SAMD11: variants seen among roughly 807,000 people sequenced by gnomAD.
SAMD11 encodes sterile alpha motif domain-containing protein 11.
A neutral mutation model predicts 64.4 loss-of-function variants in SAMD11; 77 were observed. That is an observed-to-expected ratio of 1.20 (90% confidence interval 0.99 to 1.44). The LOEUF (loss-of-function observed/expected upper bound fraction) is 1.44. SAMD11 is among the 40% of genes most tolerant of loss of function. The probability of loss-of-function intolerance (pLI) is 0.00; values close to 1 mark genes in which losing one functional copy is unlikely to be tolerated. For synonymous variants in SAMD11, 658 were observed against 421.9 expected, an observed-to-expected ratio of 1.56 and a Z score of -6.86; for missense variants, 1,402 against 943.3, an observed-to-expected ratio of 1.49 and a Z score of -6.37.
At chr1:931,705 A>C (rs1304533776) in intron 4 of SAMD11, among the ~76,000 whole-genome samples, 1 of 152,224 alleles carries the variant, frequency 6.6e-6, no homozygotes, top group Non-Finnish European at 1.5e-5. Context: ...TGTTTGGAGA[A>C]GGTCCCTCTG....
chr1:929,892 C>T (rs534450987), intron 2 of SAMD11, among the ~76,000 whole-genome samples: 57 of 152,310 alleles, frequency 3.7e-4, no homozygotes, highest in African/African-American at 1.3e-3. Context: ...TAGGGGGATG[C>T]CCAACTGCGG....
rs191737258 is a variant in SAMD11, at chr1:926,479, G to A, written c.609+466G>A. Among the ~76,000 whole-genome samples, 446 of 152,336 alleles carry A rather than the reference G, an allele frequency of 2.9e-3. 2 individuals are homozygous for A. The highest frequency in any genetic ancestry group is 0.024 in the Middle Eastern group (7 of 294). On this transcript the variant is annotated intron_variant, in intron 2 of 13. Coordinates refer to ENST00000616016, the MANE Select transcript of SAMD11 (RefSeq NM_001385641.1). ...TGAGTGACTTGTGTCTCTGGGTGCT[G>A]AAGGCCAGAGGGTGCAAGGGCCTGG...
chr1:943,253 G>A lies in SAMD11; in HGVS notation c.2054G>A (p.Gly685Asp), dbSNP rs1183455274. The A allele has an allele frequency of 6.2e-7, 1 of 1,612,794 alleles. No homozygotes were observed. The highest frequency in any genetic ancestry group is 8.5e-7 in the Non-Finnish European group (1 of 1,179,884). The stretch of plus-strand genomic sequence containing the variant: ...CCTAGTAACACGCCCCACAACTCAG[G>A]CGCGGTAGGGGGACTCTCCATGGAT... Reference protein sequence around the residue: ...PYAVSPYFHTGAVGGLSMDGE... With the variant: ...PYAVSPYFHTDAVGGLSMDGE... Residue 685 changes from glycine (G) to aspartate (D), a missense_variant and splice_region_variant, in exon 12 of 14, where the codon GGC (glycine) becomes GAC (aspartate). Physicochemically the swap from Gly to Asp is moderately conservative, Grantham distance 94. Coordinates refer to ENST00000616016, the MANE Select transcript of SAMD11 (RefSeq NM_001385641.1).
intron 5 of SAMD11, among the ~76,000 whole-genome samples, chr1:938,767 C>T (rs891250225): frequency 3.9e-5 from 6 of 152,184 alleles, no homozygotes; most frequent in Admixed American, 6.5e-5. Context: ...GGCTAGATGG[C>T]GGGTGGGGCA....
At position 942,879 on chromosome 1, in the gene SAMD11, A is replaced by C; in HGVS notation, c.1874A>C (p.Glu625Ala). Residue 625 changes from glutamate to alanine, a missense_variant, in exon 11 of 14, where the codon GAA (glutamate) becomes GCA (alanine). Coordinates refer to ENST00000616016, the MANE Select transcript of SAMD11 (RefSeq NM_001385641.1). ...GARLWAQDGS[E>A]DEPPKDSDGE... is the part of the protein sequence containing the mutation. ...AGGCTCTGGGCACAAGATGGCTCGG[A>C]AGACGAGCCCCCCAAAGACTCGGAC... The C allele has an allele frequency of 6.4e-7, 1 of 1,554,630 alleles. No individual in the cohort carries two copies. Among genetic ancestry groups the C allele is most frequent in the Non-Finnish European group, 8.7e-7 (1 of 1,149,206 alleles).
At chr1:943,605 T>C (rs1557611871) in intron 12 of SAMD11, 93 bp from the exon 13 acceptor site, 1 of 1,352,430 alleles carries the variant, frequency 7.4e-7, no homozygotes, top group South Asian at 1.6e-5. Context: ...TTAAAAAATT[T>C]CCGTGAGCTG....
At chr1:933,205 C>A (rs911139395) in intron 4 of SAMD11, among the ~76,000 whole-genome samples, 3 of 152,240 alleles carry the variant, frequency 2.0e-5, no homozygotes, top group Non-Finnish European at 4.4e-5. Context: ...CGGGTTCCTG[C>A]TTCTCCACTC....
chr1:930,785 G>A (rs753027748), intron 3 of SAMD11, among the ~76,000 whole-genome samples: 1 of 152,232 alleles, frequency 6.6e-6, no homozygotes, highest in East Asian at 1.9e-4. Flanking sequence ...AAGGGGCCTC[G>A]GTCCTGTTCT....
Position 939,285 on chromosome 1 carries a change from G to T in SAMD11, c.1068G>T (p.Leu356=). Residue 356 remains leucine, a synonymous_variant, in exon 7 of 14, where the codon CTG becomes CTT. Transcript: ENST00000616016. ...ARSESPQEAL[L]LPRELGPSMA... is the part of the protein sequence containing the mutation. ...GGTCCTCCCCAGCAGAGGCGCTGCT[G>T]CTGCCGCGGGAGCTGGGGCCCAGCA... 1 of 1,604,436 alleles carries T rather than the reference G, an allele frequency of 6.2e-7. No homozygotes were observed. The highest frequency in any genetic ancestry group is 8.5e-7 in the Non-Finnish European group (1 of 1,176,466).
Position 941,864 on chromosome 1 carries a change from C to A in SAMD11, c.1359-272C>A, listed in dbSNP as rs567053232. 2.2e-4 allele frequency among the ~76,000 whole-genome samples: 34 copies of A among 152,246 alleles called. 1 individual carries two copies. The South Asian group carries it at 6.8e-3, about 31-fold the overall frequency. Reference sequence around the variant, plus strand: ...CCCCCGCTTCCCCCGCCGCTCGGGTCCGCAGGGGAGGGGAGCAGGCGGGGC... The same window carrying A: ...CCCCCGCTTCCCCCGCCGCTCGGGTACGCAGGGGAGGGGAGCAGGCGGGGC... On this transcript the variant is annotated intron_variant, in intron 8 of 13. Coordinates refer to ENST00000616016, the MANE Select transcript of SAMD11 (RefSeq NM_001385641.1).
rs1272582457 is a variant in SAMD11, at chr1:924,164, G to A, written c.-268G>A. 1 of 149,686 alleles carries A rather than the reference G, an allele frequency of 6.7e-6. No individual in the cohort carries two copies. The highest frequency in any genetic ancestry group is 2.0e-4 in the East Asian group (1 of 5,118). 9.3% of individuals were successfully genotyped at this position (149,686 alleles called of 1,614,324 possible). On this transcript the variant is annotated 5_prime_UTR_variant, in exon 1 of 14. Coordinates refer to ENST00000616016, the MANE Select transcript of SAMD11 (RefSeq NM_001385641.1). ...TCCAGACGCCCCGGGGAGCCCCGAG[G>A]CCCTGGAACTGCGGCGCTCGGCGAG...
chr1:936,735 C>A (rs117001843), intron 5 of SAMD11, among the ~76,000 whole-genome samples: 2 of 152,182 alleles, frequency 1.3e-5, no homozygotes, highest in African/African-American at 2.4e-5. Context: ...GGCCCCCATC[C>A]GCGTCCTCGT....
Position 939,030 on chromosome 1 carries a change from C to A in SAMD11, c.968-10C>A. The A allele has an allele frequency of 1.3e-6, 2 of 1,589,138 alleles. No individual in the cohort carries two copies. Among genetic ancestry groups the A allele is most frequent in the Non-Finnish European group, 1.7e-6 (2 of 1,167,736 alleles). The stretch of plus-strand genomic sequence containing the variant: ...TGAGATGCAGGTGGGCACTCACTAC[C>A]CTCCCGCAGGTGACCTGTTGGGCAA... On this transcript the variant is annotated splice_polypyrimidine_tract_variant and intron_variant, in intron 5 of 13. Coordinates refer to ENST00000616016, the MANE Select transcript of SAMD11 (RefSeq NM_001385641.1).
intron 5 of SAMD11, among the ~76,000 whole-genome samples, chr1:937,340 A>G (rs1641509153): frequency 6.6e-6 from 1 of 151,748 alleles, no homozygotes; most frequent in Non-Finnish European, 1.5e-5. Flanking sequence ...ATGAGTGAGG[A>G]GTGAGCATGG....
chr1:939,585 T>A, intron 7 of SAMD11, 173 bp downstream of exon 7: 2 of 481,364 alleles, frequency 4.2e-6, no homozygotes, highest in Non-Finnish European at 6.3e-6. Context: ...CTGCCACACG[T>A]CCTGCCCCAT....
intron 8 of SAMD11, 100 bp from the exon 9 acceptor site, chr1:942,036 C>G: frequency 4.5e-6 from 2 of 442,726 alleles, no homozygotes; most frequent in Non-Finnish European, 8.0e-6. Flanking sequence ...ATCGACCGCC[C>G]GCGGGGCCGG....
Position 942,596 on chromosome 1 carries a change from C to G in SAMD11, c.1591C>G (p.Leu531Val), listed in dbSNP as rs1353595929. The G allele has an allele frequency of 7.0e-7, 1 of 1,434,556 alleles. No homozygotes were observed. The highest frequency in any genetic ancestry group is 9.1e-7 in the Non-Finnish European group (1 of 1,101,834). The allele number at this position is 1,434,556 out of a possible 1,614,324, so 88.9% of individuals were successfully genotyped here. ...CGCCGACCTCCTGCGGCAGAAGGAG[C>G]TGGAGAGCGCGCGCCCACAGCTGCT... ...LPADLLRQKE[L>V]ESARPQLLAP... The change falls in exon 11 of 14, where the codon CTG becomes GTG. Residue 531 changes from leucine to valine, a missense_variant. Coordinates refer to ENST00000616016, the MANE Select transcript of SAMD11 (RefSeq NM_001385641.1).
chr1:931,124 C>T (rs764806724), intron 4 of SAMD11, 35 bp downstream of exon 4: 17 of 1,570,302 alleles, frequency 1.1e-5, no homozygotes, highest in African/African-American at 5.4e-5. Context: ...AAGAGGGGGC[C>T]GTGACTCCCC....
In SAMD11 at chr1:935,076, G is replaced by C. The variant is rs368494314; in HGVS notation, c.843-696G>C. 1.7e-4 allele frequency among the ~76,000 whole-genome samples: 26 copies of C among 152,252 alleles called. No individual in the cohort carries two copies. The East Asian group carries it at 2.5e-3, about 15-fold the overall frequency. On this transcript the variant is annotated intron_variant, in intron 4 of 13. Transcript: ENST00000616016. The stretch of plus-strand genomic sequence containing the variant: ...GGGGTGGAGGGCCGTGCTCCACACA[G>C]TTCGTCTCATTGCTCTCTGGGACTC...
Sources: allele counts gnomAD v4.1 joint callset (sites outside exome capture counted in the v4.1 genomes callset), GRCh38; gene constraint gnomAD v4.1.1; transcripts MANE v1.5; gene names NCBI Gene and HGNC (gene_info 2026-07-23, HGNC 2026-07-21).